FRMPD1: variants seen among roughly 807,000 people sequenced by gnomAD.
FRMPD1 encodes the protein FERM and PDZ domain containing 1.
FRMPD1 carries 76 observed loss-of-function variants against 117.8 expected under a neutral mutation model. The ratio of observed to expected loss-of-function variants is 0.65; its 90% CI spans 0.54 to 0.78. FRMPD1 has a LOEUF of 0.78. FRMPD1 is among the 30% of genes least tolerant of loss of function. The pLI is 0.00. For missense variants in FRMPD1, 1,786 were observed against 1,964.5 expected (o/e 0.91, Z 1.72); for synonymous variants, 783 against 770.4 (o/e 1.02, Z -0.27).
the FRMPD1 span, among the ~76,000 whole-genome samples, chr9:37,632,896 G>A: frequency 6.8e-6 from 1 of 147,750 alleles, no homozygotes; most frequent in Non-Finnish European, 1.5e-5. Context: ...ATTTCCTGAA[G>A]ATAAATTTCT....
intron 2 of FRMPD1, among the ~76,000 whole-genome samples, chr9:37,704,356 A>C (rs143995338): frequency 0.015 from 2,244 of 152,248 alleles, 33 homozygotes; most frequent in Non-Finnish European, 0.019. Context: ...ACTATTTTGG[A>C]TATATTGAGT....
chr9:37,703,090 T>C (rs537329401), intron 2 of FRMPD1, among the ~76,000 whole-genome samples: 1 of 152,334 alleles, frequency 6.6e-6, no homozygotes, highest in Non-Finnish European at 1.5e-5. Context: ...TGGTCCAGGA[T>C]AAATAATATG....
Position 37,746,241 on chromosome 9 carries a change from C to CT in FRMPD1, c.4210dup (p.Cys1404LeufsTer17), listed in dbSNP as rs1396275438. ...GGAAAAGCCACATCTGGCCAGAGTACTGCTCCAGGGCACTGAGACAGCTGA... is the reference window on the plus strand; with the variant it reads ...GGAAAAGCCACATCTGGCCAGAGTACTTGCTCCAGGGCACTGAGACAGCTGA... On this transcript the variant is annotated frameshift_variant, in exon 16 of 16. Coordinates refer to ENST00000377765, the MANE Select transcript of FRMPD1 (RefSeq NM_014907.3). LOFTEE classifies it high-confidence loss of function. The CT allele has an allele frequency of 6.2e-7, 1 of 1,612,862 alleles. No individual in the cohort carries two copies. The highest frequency in any genetic ancestry group is 8.5e-7 in the Non-Finnish European group (1 of 1,179,904).
chr9:37,658,001 T>C (rs996628002), intron 1 of FRMPD1, among the ~76,000 whole-genome samples: 2 of 152,084 alleles, frequency 1.3e-5, no homozygotes, highest in Admixed American at 1.3e-4. Context: ...ATTGGCCCGA[T>C]CCTGTCCTTT....
At chr9:37,728,029 C>G (rs750919815) in intron 7 of FRMPD1, 5 of 152,194 alleles carry the variant, frequency 3.3e-5, no homozygotes, top group Admixed American at 6.5e-5. Flanking sequence ...AGTTTAACAT[C>G]TAGTGGGGTG....
chr9:37,735,982 G>A (rs1004171609), intron 13 of FRMPD1, among the ~76,000 whole-genome samples: 18 of 150,428 alleles, frequency 1.2e-4, no homozygotes, highest in South Asian at 1.1e-3. Flanking sequence ...ATTTAGAAAC[G>A]TAGATGGAGA....
chr9:37,675,584 G>A (rs1299521438), intron 1 of FRMPD1, among the ~76,000 whole-genome samples: 1 of 152,138 alleles, frequency 6.6e-6, no homozygotes, highest in Non-Finnish European at 1.5e-5. Flanking sequence ...TGGATGCCTG[G>A]GTTCTGGGCT....
intron 7 of FRMPD1, 49 bp downstream of exon 7, chr9:37,724,369 T>A: frequency 1.0e-6 from 1 of 990,420 alleles, no homozygotes; most frequent in Non-Finnish European, 1.6e-6. Context: ...ATGTTCTGGC[T>A]GCTAGGACCC....
At chr9:37,624,642 G>A in the FRMPD1 span, among the ~76,000 whole-genome samples, 5 of 152,138 alleles carry the variant, frequency 3.3e-5, no homozygotes, top group Non-Finnish European at 5.9e-5. Flanking sequence ...ATTAATTCCT[G>A]CTATGACAAC....
the FRMPD1 span, among the ~76,000 whole-genome samples, chr9:37,627,223 A>C: frequency 6.6e-6 from 1 of 152,014 alleles, no homozygotes; most frequent in Admixed American, 6.6e-5. Context: ...AATTTCCCTC[A>C]TCTTCCTCCT....
chr9:37,673,659 T>C (rs1410299587), intron 1 of FRMPD1, among the ~76,000 whole-genome samples: 5 of 152,256 alleles, frequency 3.3e-5, no homozygotes, highest in African/African-American at 1.2e-4. Context: ...TGCCTGGGCA[T>C]CCAGGCATTT....
At chr9:37,741,829 G>T (rs1224472503) in intron 15 of FRMPD1, among the ~76,000 whole-genome samples, 1 of 152,032 alleles carries the variant, frequency 6.6e-6, no homozygotes, top group Non-Finnish European at 1.5e-5. Flanking sequence ...CTTTCTGACC[G>T]AAACACTCCT....
chr9:37,721,980 T>C (rs1823418417), intron 6 of FRMPD1, among the ~76,000 whole-genome samples: 1 of 152,190 alleles, frequency 6.6e-6, no homozygotes, highest in Non-Finnish European at 1.5e-5. Flanking sequence ...GTGGTGGTAG[T>C]TATGTAATGT....
Position 37,720,924 on chromosome 9 carries a change from A to G in FRMPD1, c.516+1748A>G, listed in dbSNP as rs1823372810. Among the ~76,000 whole-genome samples the G allele has an allele frequency of 2.0e-5, 3 of 152,352 alleles. No individual in the cohort carries two copies. The South Asian group carries it at 6.2e-4, about 32-fold the overall frequency. ...GTTTCGATTCAACACATGACTCTTC[A>G]TTTCAAGAGTCATGCACAGTGATGA... On this transcript the variant is annotated intron_variant, in intron 6 of 15. Transcript: ENST00000377765.
In FRMPD1 at chr9:37,718,499, C is replaced by T. The variant is rs376740525; in HGVS notation, c.409-570C>T. On this transcript the variant is annotated intron_variant, in intron 5 of 15. Coordinates refer to ENST00000377765, the MANE Select transcript of FRMPD1 (RefSeq NM_014907.3). ...AGTCTTCACCATATACTCATACCAA[C>T]CTGTGATGACTCTCTTTACTTCTTT... Among the ~76,000 whole-genome samples the T allele has an allele frequency of 3.3e-5, 5 of 152,324 alleles. No individual in the cohort carries two copies. In the East Asian group the frequency reaches 9.6e-4, roughly 29 times the overall value.
chr9:37,719,347 G>A (rs1823294130), intron 6 of FRMPD1, among the ~76,000 whole-genome samples, 171 bp downstream of exon 6: 1 of 152,234 alleles, frequency 6.6e-6, no homozygotes, highest in Non-Finnish European at 1.5e-5. Flanking sequence ...CCTGGACTGG[G>A]ATTGCTGGTG....
chr9:37,703,389 G>T (rs964525506), intron 2 of FRMPD1, among the ~76,000 whole-genome samples: 1 of 152,180 alleles, frequency 6.6e-6, no homozygotes. Flanking sequence ...CTTTCTTCAT[G>T]TGAGAGTTGT....
chr9:37,700,645 G>A (rs1249522873), intron 2 of FRMPD1, among the ~76,000 whole-genome samples: 3 of 152,212 alleles, frequency 2.0e-5, no homozygotes, highest in African/African-American at 7.2e-5. Flanking sequence ...TTCCTTTTCA[G>A]TGTTATTAAC....
At chr9:37,719,018 T>C in intron 5 of FRMPD1, 51 bp from the exon 6 acceptor site, 1 of 1,050,112 alleles carries the variant, frequency 9.5e-7, no homozygotes, top group African/African-American at 1.6e-5. Context: ...TAGATATACC[T>C]GGCTTTTATG....
Sources: gnomAD v4.1 joint callset for allele counts (sites outside exome capture counted in the v4.1 genomes callset) on GRCh38, gnomAD v4.1.1 for gene constraint, MANE v1.5 for transcripts, NCBI Gene and HGNC (gene_info 2026-07-23, HGNC 2026-07-21) for gene names.